Variants in CCDC191 observed in about 807,000 individuals in gnomAD.
The protein encoded by CCDC191 is coiled-coil domain containing 191, also known as coiled-coil domain-containing protein 191.
A neutral mutation model predicts 114.0 loss-of-function variants in CCDC191; 99 were observed. The observed-to-expected ratio is 0.87, with a 90% CI of 0.74 to 1.03. The LOEUF (loss-of-function observed/expected upper bound fraction) is 1.03. Among genes scored for constraint, CCDC191 ranks in the 50% least tolerant of loss-of-function variants. The pLI is 0.00. For synonymous variants in CCDC191, 351 were observed against 376.0 expected, an observed-to-expected ratio of 0.93 and a Z score of 0.77; for missense variants, 973 against 1,087.0, an observed-to-expected ratio of 0.90 and a Z score of 1.47.
chr3:114,017,939 AAAT>A (rs1421041566), intron 8 of CCDC191, among the ~76,000 whole-genome samples: 14 of 152,366 alleles, frequency 9.2e-5, no homozygotes, highest in Admixed American at 4.6e-4. Flanking sequence ...TTGAACTTGT[AAAT>A]AATAATAAGA....
chr3:114,031,052 C>T (rs968429486), intron 7 of CCDC191, among the ~76,000 whole-genome samples: 4 of 151,852 alleles, frequency 2.6e-5, no homozygotes, highest in African/African-American at 7.3e-5. Context: ...GCTTAAGTAA[C>T]CTGAAGAGGA....
intron 3 of CCDC191, among the ~76,000 whole-genome samples, chr3:114,044,950 T>C (rs1436619995): frequency 6.6e-6 from 1 of 152,144 alleles, no homozygotes; most frequent in Admixed American, 6.5e-5. Flanking sequence ...AGAAAAAAAA[T>C]GATATAAACC....
Position 114,028,507 on chromosome 3 carries a change from G to C in CCDC191, c.972+3119C>G, listed in dbSNP as rs1007528559. Among the ~76,000 whole-genome samples the C allele has an allele frequency of 3.3e-5, 5 of 151,700 alleles. No individual in the cohort carries two copies. In the East Asian group the frequency reaches 9.7e-4, roughly 29 times the overall value. On this transcript the variant is annotated intron_variant, in intron 7 of 16. Coordinates refer to ENST00000295878, the MANE Select transcript of CCDC191 (RefSeq NM_020817.2). Reference sequence around the variant, plus strand: ...TCACCGTGTTAGCCAGGATGGTCTCGATCTCCTGACCTCGTGATCCGCCCG... The same window carrying C: ...TCACCGTGTTAGCCAGGATGGTCTCCATCTCCTGACCTCGTGATCCGCCCG...
chr3:114,048,461 A>G (rs1402728333), intron 2 of CCDC191, among the ~76,000 whole-genome samples: 1 of 152,128 alleles, frequency 6.6e-6, no homozygotes, highest in African/African-American at 2.4e-5. Context: ...ACTCTCGCTA[A>G]TCTTCCCTTT....
At chr3:114,004,792 C>G (rs745963324) in intron 10 of CCDC191, 46 bp from the exon 11 acceptor site, 1 of 1,575,540 alleles carries the variant, frequency 6.3e-7, no homozygotes, top group South Asian at 1.2e-5. Flanking sequence ...TAACCAGTTT[C>G]CTTCAAACTC....
chr3:114,030,760 G>C (rs2076393650), intron 7 of CCDC191, among the ~76,000 whole-genome samples: 3 of 152,222 alleles, frequency 2.0e-5, no homozygotes, highest in Admixed American at 6.5e-5. Flanking sequence ...CAGGACCTTT[G>C]TAAGTCTATC....
intron 6 of CCDC191, among the ~76,000 whole-genome samples, chr3:114,033,869 A>C (rs1190715799): frequency 6.6e-6 from 1 of 152,164 alleles, no homozygotes; most frequent in Admixed American, 6.5e-5. Context: ...AACTGGGTAG[A>C]ATAAGAGCAA....
intron 16 of CCDC191, among the ~76,000 whole-genome samples, chr3:113,974,831 T>C (rs1400050358): frequency 6.6e-6 from 1 of 152,192 alleles, no homozygotes; most frequent in Admixed American, 6.5e-5. Flanking sequence ...CCCTGGTTCA[T>C]CTTGGCTCTA....
At chr3:114,025,401 A>G (rs2076306998) in intron 7 of CCDC191, among the ~76,000 whole-genome samples, 2 of 152,266 alleles carry the variant, frequency 1.3e-5, no homozygotes, top group Non-Finnish European at 2.9e-5. Context: ...TTTCTGAAGT[A>G]TTTAAAAATC....
At chr3:114,030,466 A>G (rs2076389180) in intron 7 of CCDC191, among the ~76,000 whole-genome samples, 1 of 152,136 alleles carries the variant, frequency 6.6e-6, no homozygotes, top group Non-Finnish European at 1.5e-5. Flanking sequence ...TACTAATTCC[A>G]TCTGTCTCAT....
At chr3:114,037,710 A>G (rs1402358701) in intron 4 of CCDC191, among the ~76,000 whole-genome samples, 1 of 152,096 alleles carries the variant, frequency 6.6e-6, no homozygotes, top group Non-Finnish European at 1.5e-5. Context: ...CATGATATCA[A>G]ATGGTGTTGC....
chr3:114,007,382 A>G (rs2075989208), intron 9 of CCDC191, among the ~76,000 whole-genome samples: 1 of 152,246 alleles, frequency 6.6e-6, no homozygotes, highest in African/African-American at 2.4e-5. Context: ...AATGCTTTCC[A>G]TAGACTCAAC....
At chr3:113,976,848 A>G (rs1001603189) in intron 16 of CCDC191, among the ~76,000 whole-genome samples, 1 of 152,276 alleles carries the variant, frequency 6.6e-6, no homozygotes, top group Middle Eastern at 3.4e-3. Context: ...TTCAAACTCT[A>G]AAGCTAAATC....
At chr3:114,023,371 G>A (rs1002984989) in intron 7 of CCDC191, among the ~76,000 whole-genome samples, 6 of 152,030 alleles carry the variant, frequency 3.9e-5, no homozygotes, top group African/African-American at 1.4e-4. Context: ...AGTTCATATG[G>A]AACCAAAAAA....
intron 13 of CCDC191, among the ~76,000 whole-genome samples, chr3:113,998,255 G>A (rs1269076730): frequency 1.2e-4 from 18 of 144,202 alleles, no homozygotes; most frequent in African/African-American, 3.1e-4. Context: ...GCAGTGAGCC[G>A]AGATCGCACC....
chr3:114,004,836 C>A, intron 10 of CCDC191, 90 bp from the exon 11 acceptor site: 1 of 1,343,660 alleles, frequency 7.4e-7, no homozygotes, highest in African/African-American at 1.5e-5. Context: ...CTTTTACAGA[C>A]CTTAATGAAT....
At chr3:113,970,396 G>C (rs1300015510) in intron 16 of CCDC191, among the ~76,000 whole-genome samples, 1 of 152,020 alleles carries the variant, frequency 6.6e-6, no homozygotes, top group East Asian at 1.9e-4. Flanking sequence ...TTGGCCTCAA[G>C]TGATCCTTCC....
At chr3:113,976,211 A>C (rs1257551317) in intron 16 of CCDC191, among the ~76,000 whole-genome samples, 1 of 152,052 alleles carries the variant, frequency 6.6e-6, no homozygotes, top group East Asian at 1.9e-4. Context: ...GTGAGCTGAG[A>C]TCCTACTACT....
intron 11 of CCDC191, chr3:114,004,117 A>G (rs2075902879): frequency 1.0e-6 from 1 of 954,134 alleles, no homozygotes; most frequent in Non-Finnish European, 1.2e-6. Context: ...AAATAAATAA[A>G]TGTTTCTAGA....
Sources: gnomAD v4.1 joint callset for allele counts (sites outside exome capture counted in the v4.1 genomes callset) on GRCh38, gnomAD v4.1.1 for gene constraint, MANE v1.5 for transcripts, NCBI Gene and HGNC (gene_info 2026-07-23, HGNC 2026-07-21) for gene names.